CACNB2: variants seen among roughly 807,000 people sequenced by gnomAD.
CACNB2 encodes the protein calcium voltage-gated channel auxiliary subunit beta 2.
Under a neutral mutation model 73.3 loss-of-function variants are expected in CACNB2, and 42 were observed. That is an observed-to-expected ratio of 0.57 (90% confidence interval 0.45 to 0.74). CACNB2 has a LOEUF of 0.74. CACNB2 is among the 30% of genes least tolerant of loss of function. The pLI is 0.00. For missense variants in CACNB2, 940 were observed against 853.0 expected (o/e 1.10, Z -1.27); for synonymous variants, 348 against 310.3 (o/e 1.12, Z -1.28).
At chr10:18,309,876 A>G (rs1375320318) in intron 2 of CACNB2, among the ~76,000 whole-genome samples, 1 of 152,238 alleles carries the variant, frequency 6.6e-6, no homozygotes, top group Non-Finnish European at 1.5e-5. Context: ...CATAATAAAA[A>G]GACTATTGAT....
chr10:18,207,170 G>A (rs1373887833), intron 2 of CACNB2, among the ~76,000 whole-genome samples: 1 of 152,016 alleles, frequency 6.6e-6, no homozygotes, highest in Non-Finnish European at 1.5e-5. Context: ...CACCACACCT[G>A]ACTAATTTTT....
intron 2 of CACNB2, among the ~76,000 whole-genome samples, chr10:18,245,310 C>T: frequency 6.6e-6 from 1 of 151,990 alleles, no homozygotes; most frequent in East Asian, 1.9e-4. Context: ...AGCACTGTTG[C>T]CTGTGTTCAT....
chr10:18,474,137 G>C (rs553192606), intron 3 of CACNB2, among the ~76,000 whole-genome samples: 14 of 152,338 alleles, frequency 9.2e-5, no homozygotes, highest in African/African-American at 3.4e-4. Context: ...ATAGTTTTGG[G>C]TAGGAAGAAG....
rs145814788 is a variant in CACNB2 at position 18,481,192 on chromosome 10, CTATATATATATATATATATATATATATA to C, written c.334-17151_334-17124del. On this transcript the variant is annotated intron_variant, in intron 3 of 13. Transcript: ENST00000324631. ...CAAAACTGATAATATTACATCTTCG[CTATATATATATATATATATATATATATA>C]TATATATATATTTTTTTTTTTTTTT... 7.7e-3 allele frequency among the ~76,000 whole-genome samples: 284 copies of C among 36,710 alleles called. 26 individuals are homozygous for C. The highest frequency in any genetic ancestry group is 0.031 in the Admixed American group (53 of 1,706). 24.1% of individuals were successfully genotyped at this position (36,710 alleles called of 152,430 possible). A position where few individuals can be genotyped will look rare whatever the true frequency, so the allele number is the denominator to read the frequency against.
At chr10:18,235,157 AAAC>A (rs1446347635) in intron 2 of CACNB2, among the ~76,000 whole-genome samples, 2 of 139,856 alleles carry the variant, frequency 1.4e-5, no homozygotes, top group African/African-American at 5.7e-5. Context: ...AAAAAAAAAA[AAAC>A]AGTTAAAAGG....
intron 11 of CACNB2, among the ~76,000 whole-genome samples, chr10:18,535,487 A>T (rs1274804274): frequency 6.6e-6 from 1 of 152,082 alleles, no homozygotes; most frequent in African/African-American, 2.4e-5. Context: ...ATTAAAAAAA[A>T]TTCGGCCGGG....
At chr10:18,166,248 T>C (rs1407679312) in intron 2 of CACNB2, among the ~76,000 whole-genome samples, 1 of 152,138 alleles carries the variant, frequency 6.6e-6, no homozygotes, top group African/African-American at 2.4e-5. Flanking sequence ...CAATTAATAA[T>C]ACAGATATTT....
intron 3 of CACNB2, among the ~76,000 whole-genome samples, chr10:18,491,090 T>G (rs2049392572): frequency 6.6e-6 from 1 of 152,236 alleles, no homozygotes; most frequent in Non-Finnish European, 1.5e-5. Context: ...ATTTTTTGGC[T>G]TCTTTTTGTT....
At chr10:18,153,763 G>A (rs1039879734) in intron 2 of CACNB2, among the ~76,000 whole-genome samples, 6 of 149,144 alleles carry the variant, frequency 4.0e-5, no homozygotes, top group Non-Finnish European at 7.4e-5. Context: ...TGTATTTTTA[G>A]TAAAGATGGA....
intron 7 of CACNB2, 183 bp downstream of exon 7, chr10:18,514,552 CTG>C: frequency 6.2e-7 from 1 of 1,612,880 alleles, no homozygotes; most frequent in Non-Finnish European, 8.5e-7. Context: ...TTGACATAAG[CTG>C]TGTTTATCCT....
chr10:18,402,732 A>G (rs1477080409), intron 3 of CACNB2, among the ~76,000 whole-genome samples: 2 of 152,144 alleles, frequency 1.3e-5, no homozygotes, highest in African/African-American at 4.8e-5. Flanking sequence ...CTGTCCTTGG[A>G]ATAGTGGCTA....
chr10:18,535,773 A>C (rs968460182), intron 11 of CACNB2, among the ~76,000 whole-genome samples: 1 of 151,036 alleles, frequency 6.6e-6, no homozygotes, highest in African/African-American at 2.4e-5. Context: ...ACTACATCTC[A>C]AAAATATATA....
intron 2 of CACNB2, among the ~76,000 whole-genome samples, chr10:18,296,420 A>G (rs976249927): frequency 9.2e-5 from 14 of 152,156 alleles, no homozygotes; most frequent in African/African-American, 3.4e-4. Flanking sequence ...GCTCACAGCC[A>G]TGAAGATTTT....
chr10:18,192,907 C>G (rs1406557249), intron 2 of CACNB2, among the ~76,000 whole-genome samples: 2 of 152,234 alleles, frequency 1.3e-5, no homozygotes, highest in East Asian at 3.9e-4. Context: ...TGGACATGGG[C>G]TGTTTTTGCC....
chr10:18,332,677 C>T (rs975643032), intron 2 of CACNB2, among the ~76,000 whole-genome samples: 11 of 152,130 alleles, frequency 7.2e-5, no homozygotes, highest in South Asian at 4.1e-4. Context: ...ATCTAAAAAA[C>T]ACAGTGGGAC....
At chr10:18,404,247 C>G (rs1225803026) in intron 3 of CACNB2, among the ~76,000 whole-genome samples, 1 of 152,082 alleles carries the variant, frequency 6.6e-6, no homozygotes, top group East Asian at 1.9e-4. Flanking sequence ...AAAGAAGATA[C>G]AAAGATGAGC....
chr10:18,449,363 C>T (rs570191791), intron 3 of CACNB2, among the ~76,000 whole-genome samples: 9 of 151,772 alleles, frequency 5.9e-5, no homozygotes, highest in Non-Finnish European at 1.0e-4. Context: ...CCAGCCTGGG[C>T]GACAGAGCGA....
chr10:18,252,191 CT>C (rs1391623570), intron 2 of CACNB2, among the ~76,000 whole-genome samples: 1 of 152,080 alleles, frequency 6.6e-6, no homozygotes, highest in Non-Finnish European at 1.5e-5. Flanking sequence ...GGTGGGAAAC[CT>C]TTAGCTTCCC....
At chr10:18,509,430 C>T (rs1490315465) in intron 6 of CACNB2, among the ~76,000 whole-genome samples, 2 of 152,234 alleles carry the variant, frequency 1.3e-5, no homozygotes, top group Non-Finnish European at 2.9e-5. Context: ...ATCGCACCCA[C>T]ACACACGTGT....
Sources: gnomAD v4.1 joint callset for allele counts (sites outside exome capture counted in the v4.1 genomes callset) on GRCh38, gnomAD v4.1.1 for gene constraint, MANE v1.5 for transcripts, NCBI Gene and HGNC (gene_info 2026-07-23, HGNC 2026-07-21) for gene names.